The following CCDC25 variants were observed in gnomAD, a reference collection of about 807,000 sequenced individuals.
The protein encoded by CCDC25 is coiled-coil domain containing 25.
A neutral mutation model predicts 35.3 loss-of-function variants in CCDC25; 16 were observed. That is an observed-to-expected ratio of 0.45 (90% CI 0.31 to 0.69). The LOEUF is 0.69. CCDC25 is among the 30% of genes least tolerant of loss of function. The pLI, the probability that CCDC25 is intolerant of heterozygous loss-of-function variation, is 0.06. For missense variants in CCDC25, 179 were observed against 250.7 expected, an observed-to-expected ratio of 0.71 and a Z score of 1.93; for synonymous variants, 79 against 80.3, an observed-to-expected ratio of 0.98 and a Z score of 0.09.
chr8:27,749,153 A>G (rs1803708499), intron 5 of CCDC25, among the ~76,000 whole-genome samples: 1 of 152,352 alleles, frequency 6.6e-6, no homozygotes, highest in South Asian at 2.1e-4. Context: ...AAGAAAACAC[A>G]GAAGTCATCA....
chr8:27,765,275 A>T (rs758169301), intron 1 of CCDC25, 24 bp from the exon 2 acceptor site: 2 of 1,426,884 alleles, frequency 1.4e-6, no homozygotes, highest in South Asian at 1.3e-5. Context: ...AAAATAAAAA[A>T]CAATTAGTAA....
intron 3 of CCDC25, among the ~76,000 whole-genome samples, chr8:27,759,779 CAAAAAAAAA>C (rs77051762): frequency 5.5e-5 from 5 of 91,258 alleles, no homozygotes; most frequent in Non-Finnish European, 1.0e-4. Flanking sequence ...GACTCTGTCT[CAAAAAAAAA>C]AAAAAAAAAA....
intron 8 of CCDC25, among the ~76,000 whole-genome samples, chr8:27,736,665 G>A (rs1414810662): frequency 1.3e-5 from 2 of 152,186 alleles, no homozygotes. Context: ...CCAGTAATTT[G>A]AGCCTCAACA....
intron 8 of CCDC25, 80 bp from the exon 9 acceptor site, chr8:27,736,325 G>A: frequency 2.6e-6 from 3 of 1,167,826 alleles, no homozygotes; most frequent in Non-Finnish European, 2.5e-6. Context: ...CTTAATTAGC[G>A]AGCTGCCTTC....
chr8:27,736,064 A>T lies in CCDC25; in HGVS notation c.*152T>A, dbSNP rs3735747. On this transcript the variant is annotated 3_prime_UTR_variant, in exon 9 of 9. Coordinates refer to ENST00000356537, the MANE Select transcript of CCDC25 (RefSeq NM_018246.3). Reference sequence around the variant, plus strand: ...CTTTTCTGTCAGCAAAAAAGGTACAATTTTTTTAAAACTTGAAAATCAATA... The same window carrying T: ...CTTTTCTGTCAGCAAAAAAGGTACATTTTTTTTAAAACTTGAAAATCAATA... The T allele has an allele frequency of 0.43, 289,780 of 678,234 alleles. 63,357 individuals carry two copies. Among genetic ancestry groups the T allele is most frequent in the East Asian group, 0.63 (21,602 of 34,338 alleles). The allele number at this position is 678,234 out of a possible 1,614,324, so 42.0% of individuals were successfully genotyped here. A position where few individuals can be genotyped will look rare whatever the true frequency, so the allele number is the denominator to read the frequency against.
intron 2 of CCDC25, among the ~76,000 whole-genome samples, chr8:27,764,781 T>C (rs972640848): frequency 1.3e-5 from 2 of 152,210 alleles, no homozygotes; most frequent in Non-Finnish European, 2.9e-5. Flanking sequence ...CAGCTTTCAA[T>C]CACATTTACT....
At chr8:27,765,066 C>T (rs2128946851) in intron 2 of CCDC25, 138 bp downstream of exon 2, 1 of 712,026 alleles carries the variant, frequency 1.4e-6, no homozygotes, top group Non-Finnish European at 2.3e-6. Context: ...TGAGCTTGTT[C>T]TGTTTCTCAA....
intron 1 of CCDC25, among the ~76,000 whole-genome samples, chr8:27,770,914 C>G (rs866838163): frequency 2.0e-5 from 3 of 152,078 alleles, no homozygotes; most frequent in Admixed American, 2.0e-4. Context: ...TACAGTAGTC[C>G]CCCCTTATCT....
chr8:27,767,737 T>C (rs866691236), intron 1 of CCDC25, among the ~76,000 whole-genome samples: 2 of 152,222 alleles, frequency 1.3e-5, no homozygotes, highest in South Asian at 2.1e-4. Context: ...AATTTCCTAA[T>C]TTTGATGATG....
intron 3 of CCDC25, among the ~76,000 whole-genome samples, chr8:27,761,970 A>G (rs1214970832): frequency 6.6e-6 from 1 of 152,202 alleles, no homozygotes; most frequent in East Asian, 1.9e-4. Context: ...AGACAGAGCT[A>G]AACTCATCAG....
chr8:27,747,046 A>C (rs1053124309), intron 7 of CCDC25, among the ~76,000 whole-genome samples: 1 of 152,216 alleles, frequency 6.6e-6, no homozygotes, highest in Non-Finnish European at 1.5e-5. Context: ...ACATGGAAAA[A>C]TCTAGGAGTT....
intron 8 of CCDC25, 99 bp from the exon 9 acceptor site, chr8:27,736,344 G>A: frequency 1.1e-6 from 1 of 919,408 alleles, no homozygotes; most frequent in Non-Finnish European, 1.7e-6. Flanking sequence ...TCTCATCTCA[G>A]TCACTGAGTT....
At chr8:27,764,784 C>T (rs1585374303) in intron 2 of CCDC25, among the ~76,000 whole-genome samples, 2 of 152,208 alleles carry the variant, frequency 1.3e-5, no homozygotes, top group East Asian at 3.8e-4. Flanking sequence ...CTTTCAATCA[C>T]ATTTACTATC....
At chr8:27,751,268 A>G (rs1803794311) in intron 5 of CCDC25, among the ~76,000 whole-genome samples, 1 of 152,260 alleles carries the variant, frequency 6.6e-6, no homozygotes. Context: ...AGGAAAGAAT[A>G]TAATGATTGT....
intron 7 of CCDC25, among the ~76,000 whole-genome samples, chr8:27,744,755 A>G (rs977673483): frequency 5.3e-4 from 81 of 152,220 alleles, no homozygotes; most frequent in African/African-American, 1.8e-3. Flanking sequence ...CTTGCCTCAA[A>G]GGAAGCACGA....
Position 27,735,260 on chromosome 8 carries a change from T to G in CCDC25, c.*956A>C, listed in dbSNP as rs1373093338. On this transcript the variant is annotated 3_prime_UTR_variant, in exon 9 of 9. Coordinates refer to ENST00000356537, the MANE Select transcript of CCDC25 (RefSeq NM_018246.3). The stretch of plus-strand genomic sequence containing the variant: ...ATAAATGGAAACACTAGCCTTTTGG[T>G]TTTGCCCACAGTTCCAAAGTGCTAT... 1 of 152,556 alleles carries G rather than the reference T, an allele frequency of 6.6e-6. No individual in the cohort carries two copies. The highest frequency in any genetic ancestry group is 1.5e-5 in the Non-Finnish European group (1 of 68,028). The allele number at this position is 152,556 out of a possible 1,614,324, so 9.5% of individuals were successfully genotyped here. A position where few individuals can be genotyped will look rare whatever the true frequency, so the allele number is the denominator to read the frequency against.
chr8:27,765,279 TTAG>T, intron 1 of CCDC25, 28 bp from the exon 2 acceptor site: 1 of 1,422,088 alleles, frequency 7.0e-7, no homozygotes, highest in Non-Finnish European at 9.5e-7. Flanking sequence ...TAAAAAACAA[TTAG>T]TAACTTCATC....
chr8:27,751,556 T>C (rs1803807488), intron 5 of CCDC25, among the ~76,000 whole-genome samples: 1 of 152,174 alleles, frequency 6.6e-6, no homozygotes. Context: ...GTACCTGTTA[T>C]CAGCTGTGGG....
chr8:27,757,315 A>C (rs892183690), intron 3 of CCDC25, among the ~76,000 whole-genome samples: 1 of 152,230 alleles, frequency 6.6e-6, no homozygotes, highest in Non-Finnish European at 1.5e-5. Context: ...AGAATGTCGA[A>C]TAGAGAGCTG....
Sources: allele counts gnomAD v4.1 joint callset (sites outside exome capture counted in the v4.1 genomes callset), GRCh38; gene constraint gnomAD v4.1.1; transcripts MANE v1.5; gene names NCBI Gene and HGNC (gene_info 2026-07-23, HGNC 2026-07-21).